Variants in INO80E observed in about 807,000 individuals in gnomAD.
INO80E encodes coiled-coil domain containing 95.
INO80E carries 20 observed loss-of-function variants against 27.3 expected under a neutral mutation model. That is an observed-to-expected ratio of 0.73 (90% CI 0.51 to 1.06). INO80E has a LOEUF of 1.06. Ranked by LOEUF, INO80E falls within the 50% of genes least tolerant of loss-of-function variation. The pLI, the probability that INO80E is intolerant of heterozygous loss-of-function variation, is 0.00. For synonymous variants in INO80E, 167 were observed against 145.9 expected (o/e 1.14, Z -1.04); for missense variants, 357 against 322.8 (o/e 1.11, Z -0.81).
rs748186316 is a variant in INO80E, at chr16:30,005,483, C to T, written c.*41C>T. On this transcript the variant is annotated 3_prime_UTR_variant, in exon 7 of 7. Transcript: ENST00000563197. ...ATGCCCACCACGGCCCCGCCCGGCG[C>T]CCTCCCCGTGCCAGCACACACGAGT... 1 of 1,544,606 alleles carries T rather than the reference C, an allele frequency of 6.5e-7. No homozygotes were observed. The highest frequency in any genetic ancestry group is 8.8e-7 in the Non-Finnish European group (1 of 1,139,038).
In INO80E at chr16:30,005,314, C is replaced by T. The variant is rs763662690; in HGVS notation, c.607C>T (p.Leu203Phe). 6 of 1,293,400 alleles carry T rather than the reference C, an allele frequency of 4.6e-6. No homozygotes were observed. The highest frequency in any genetic ancestry group is 4.1e-5 in the Admixed American group (1 of 24,578). 80.1% of individuals were successfully genotyped at this position (1,293,400 alleles called of 1,614,324 possible). Reference sequence around the variant, plus strand: ...TGGGGTCGGGACAACCCTGACCCCCCTCCCACCCCCTAAGATGCCCCCCCC... The same window carrying T: ...TGGGGTCGGGACAACCCTGACCCCCTTCCCACCCCCTAAGATGCCCCCCCC... ...GAGVGTTLTPLPPPKMPPPTI... is the reference protein window; with the variant it reads ...GAGVGTTLTPFPPPKMPPPTI... Residue 203 changes from leucine to phenylalanine, a missense_variant, in exon 7 of 7, where the codon CTC (leucine) becomes TTC (phenylalanine). Leu to Phe is a conservative substitution (Grantham distance 22, BLOSUM62 0). Transcript: ENST00000563197.
At chr16:29,996,945 T>G in intron 3 of INO80E, 85 bp downstream of exon 3, 6 of 1,301,360 alleles carry the variant, frequency 4.6e-6, no homozygotes, top group Non-Finnish European at 6.7e-6. Flanking sequence ...TAGGCAGTGG[T>G]GGCTGATGCA....
chr16:30,001,426 C>G lies in INO80E; in HGVS notation c.409C>G (p.Arg137Gly), dbSNP rs540928017. Residue 137 changes from arginine to glycine, a missense_variant, in exon 6 of 7, where the codon CGC becomes GGC. Transcript: ENST00000563197. The part of the protein sequence containing the change: ...SPYLSSLASS[R>G]YPPFPSDYLA... ...CTCCCGCCCGCAGCTGGCCTCCTCC[C>G]GCTACCCCCCATTCCCTTCTGACTA... The G allele has an allele frequency of 6.2e-6, 10 of 1,602,652 alleles. No homozygotes were observed. In the East Asian group the frequency reaches 2.0e-4, roughly 33 times the overall value.
Position 30,005,227 on chromosome 16 carries a change from G to A in INO80E, c.520G>A (p.Val174Met). ...PRLPRKLKMA[V>M]GPPDCPVGGP... is the part of the protein sequence containing the mutation. ...TTTCTTCCCCCTGCTGCAGATGGCG[G>A]TGGGACCCCCCGACTGCCCTGTGGG... Residue 174 changes from valine (V) to methionine (M), a missense_variant, in exon 7 of 7, where the codon GTG (valine) becomes ATG (methionine). By Grantham distance (21) the Val-to-Met change is conservative. Coordinates refer to ENST00000563197, the MANE Select transcript of INO80E (RefSeq NM_173618.3). The A allele has an allele frequency of 6.9e-7, 1 of 1,444,066 alleles. No homozygotes were observed. Among genetic ancestry groups the A allele is most frequent in the Non-Finnish European group, 9.1e-7 (1 of 1,103,086 alleles). The allele number at this position is 1,444,066 out of a possible 1,614,324, so 89.5% of individuals were successfully genotyped here. A position where few individuals can be genotyped will look rare whatever the true frequency, so the allele number is the denominator to read the frequency against.
chr16:30,001,437 A>C lies in INO80E; in HGVS notation c.420A>C (p.Pro140=), dbSNP rs4389160. The C allele has an allele frequency of 3.8e-3, 6,059 of 1,608,814 alleles. 189 individuals are homozygous for C. In the African/African-American group the frequency reaches 0.068, roughly 18 times the overall value. Residue 140 remains proline (P), a synonymous_variant, in exon 6 of 7, where the codon CCA becomes CCC. Transcript: ENST00000563197. ...LSSLASSRYP[P]FPSDYLALQL... is the part of the protein sequence containing the mutation. ...AGCTGGCCTCCTCCCGCTACCCCCCATTCCCTTCTGACTACCTGGCCCTGC... is the reference window on the plus strand; with the variant it reads ...AGCTGGCCTCCTCCCGCTACCCCCCCTTCCCTTCTGACTACCTGGCCCTGC...
At chr16:29,998,885 A>G (rs963694739) in intron 3 of INO80E, among the ~76,000 whole-genome samples, 2 of 152,196 alleles carry the variant, frequency 1.3e-5, no homozygotes, top group African/African-American at 4.8e-5. Flanking sequence ...CTCTACTAAA[A>G]ATACATAAAA....
intron 6 of INO80E, chr16:30,001,745 A>G (rs12931955): frequency 0.5 from 257,257 of 513,200 alleles, 65,483 homozygotes; most frequent in South Asian, 0.53. Flanking sequence ...CCCGGTGTGC[A>G]GATGCCAGGG....
chr16:30,001,945 C>T (rs4788209), intron 6 of INO80E: 61,994 of 169,880 alleles, frequency 0.36, 12,460 homozygotes, highest in South Asian at 0.49. Context: ...AGGCTTGGCA[C>T]CTATAGGGCG....
In INO80E at chr16:30,005,399, C is replaced by T. The variant is rs746021675; in HGVS notation, c.692C>T (p.Ala231Val). ...AGCGATGCAGGTAGCGGGGACGATG[C>T]CTTGGATGGAGACGATGACCTGGTG... ...MFSDAGSGDD[A>V]LDGDDDLVID... The change falls in exon 7 of 7, where the codon GCC becomes GTC. Residue 231 changes from alanine to valine, a missense_variant. By Grantham distance (64) the Ala-to-Val change is moderately conservative. Transcript: ENST00000563197. The T allele has an allele frequency of 3.5e-5, 54 of 1,563,852 alleles. No individual in the cohort carries two copies. Among genetic ancestry groups the T allele is most frequent in the Non-Finnish European group, 4.3e-5 (50 of 1,151,602 alleles).
chr16:29,998,241 A>C (rs2070210137), intron 3 of INO80E, among the ~76,000 whole-genome samples: 1 of 150,510 alleles, frequency 6.6e-6, no homozygotes. Context: ...CAGTGAGCTG[A>C]GATTGCACTA....
Position 30,005,270 on chromosome 16 carries a change from C to A in INO80E, c.563C>A (p.Pro188His). ...CCTGTGGGAGGGCCGCTGACCTTCC[C>A]TGGCCGGGGTTCTGGGGCTGGGGTC... ...DCPVGGPLTFPGRGSGAGVGT... is the reference protein window; with the variant it reads ...DCPVGGPLTFHGRGSGAGVGT... The change falls in exon 7 of 7, where the codon CCT becomes CAT. Residue 188 changes from proline to histidine, a missense_variant. Pro to His is a moderately conservative substitution (Grantham distance 77). Coordinates refer to ENST00000563197, the MANE Select transcript of INO80E (RefSeq NM_173618.3). The A allele has an allele frequency of 6.7e-7, 1 of 1,486,864 alleles. No homozygotes were observed. 92.1% of individuals were successfully genotyped at this position (1,486,864 alleles called of 1,614,324 possible).
intron 1 of INO80E, 33 bp downstream of exon 1, chr16:29,996,424 G>A: frequency 6.4e-7 from 1 of 1,565,514 alleles, no homozygotes; most frequent in Non-Finnish European, 8.7e-7. Context: ...TGTGGGGGAT[G>A]AGGCCTGGCG....
Position 30,000,823 on chromosome 16 carries a change from C to A in INO80E, c.271C>A (p.Pro91Thr). 1 of 1,614,154 alleles carries A rather than the reference C, an allele frequency of 6.2e-7. No homozygotes were observed. The highest frequency in any genetic ancestry group is 8.5e-7 in the Non-Finnish European group (1 of 1,179,982). ...TEGTPKLSDT[P>T]APKRKRSPPL... ...GGGGACACCCAAGTTGTCTGACACA[C>A]CGGCCCCTAAGAGGTGAGAAGAAGA... Residue 91 changes from proline to threonine, a missense_variant, in exon 4 of 7, where the codon CCG becomes ACG. Coordinates refer to ENST00000563197, the MANE Select transcript of INO80E (RefSeq NM_173618.3).
At chr16:30,002,133 G>T (rs1199224180) in intron 6 of INO80E, 1 of 152,532 alleles carries the variant, frequency 6.6e-6, no homozygotes, top group Non-Finnish European at 1.5e-5. Context: ...AGAGCATGGG[G>T]ACGCCAGGGG....
At chr16:30,002,650 C>G (rs540618826) in intron 6 of INO80E, 2 of 152,274 alleles carry the variant, frequency 1.3e-5, no homozygotes, top group Non-Finnish European at 2.9e-5. Flanking sequence ...CGAGTGGAGT[C>G]TCCCTCCCTG....
intron 3 of INO80E, 68 bp from the exon 4 acceptor site, chr16:30,000,687 AGAG>A (rs2150931926): frequency 7.9e-7 from 1 of 1,267,960 alleles, no homozygotes; most frequent in Non-Finnish European, 1.1e-6. Flanking sequence ...TCTGTAGTGT[AGAG>A]GAGGTTATAC....
chr16:29,999,217 A>G (rs1336761279), intron 3 of INO80E: 1 of 152,242 alleles, frequency 6.6e-6, no homozygotes, highest in African/African-American at 2.4e-5. Context: ...AGGTCATAGT[A>G]GGAGATTTGG....
intron 3 of INO80E, among the ~76,000 whole-genome samples, chr16:29,997,767 A>C (rs1031160806): frequency 5.4e-4 from 81 of 150,572 alleles, no homozygotes; most frequent in Non-Finnish European, 1.0e-3. Flanking sequence ...AAAAAAAAAA[A>C]AACGCCCTTC....
chr16:30,004,182 C>T (rs943924205), intron 6 of INO80E: 3 of 152,324 alleles, frequency 2.0e-5, no homozygotes, highest in Non-Finnish European at 2.9e-5. Context: ...AGCCTCAGGA[C>T]CTCCATGTCC....
Sources: allele counts gnomAD v4.1 joint callset (sites outside exome capture counted in the v4.1 genomes callset), GRCh38; gene constraint gnomAD v4.1.1; transcripts MANE v1.5; gene names NCBI Gene and HGNC (gene_info 2026-07-23, HGNC 2026-07-21).